PALMD: variants seen among roughly 807,000 people sequenced by gnomAD.
PALMD encodes paralemmin-like protein.
Under a neutral mutation model 56.2 loss-of-function variants are expected in PALMD, and 42 were observed. The ratio of observed to expected loss-of-function variants is 0.75; its 90% confidence interval spans 0.58 to 0.97. The LOEUF (loss-of-function observed/expected upper bound fraction) is 0.97, where lower values mean the gene tolerates loss of function less well. Ranked by LOEUF, PALMD falls within the 50% of genes least tolerant of loss-of-function variation. The pLI, the probability that PALMD is intolerant of heterozygous loss-of-function variation, is 0.00. For missense variants in PALMD, 660 were observed against 643.8 expected, an observed-to-expected ratio of 1.03 and a Z score of -0.27; for synonymous variants, 242 against 222.9, an observed-to-expected ratio of 1.09 and a Z score of -0.76.
In PALMD at chr1:99,688,765, T is replaced by C; in HGVS notation, c.515-10T>C. The C allele has an allele frequency of 6.5e-7, 1 of 1,546,386 alleles. No individual in the cohort carries two copies. The highest frequency in any genetic ancestry group is 8.7e-7 in the Non-Finnish European group (1 of 1,146,436). ...TAACTAAATCAAAGATCAAATTTGT[T>C]TCTTAACAGCTTTATATGCCATGGA... On this transcript the variant is annotated splice_polypyrimidine_tract_variant and intron_variant, in intron 6 of 7. Coordinates refer to ENST00000263174, the MANE Select transcript of PALMD (RefSeq NM_017734.5).
At chr1:99,691,970 A>AT (rs538271821) in intron 7 of PALMD, among the ~76,000 whole-genome samples, 53 of 152,262 alleles carry the variant, frequency 3.5e-4, no homozygotes, top group African/African-American at 1.3e-3. Context: ...AAAAGACAAG[A>AT]TTTTTTTAGT....
At chr1:99,658,889 T>C (rs1652786179) in intron 1 of PALMD, among the ~76,000 whole-genome samples, 1 of 151,854 alleles carries the variant, frequency 6.6e-6, no homozygotes, top group South Asian at 2.1e-4. Flanking sequence ...GAAACTTCAG[T>C]GAGCTATGAT....
rs56957907 is a variant in PALMD at position 99,681,105 on chromosome 1, ATGTGTGTGTGTG to A, written c.252-5551_252-5540del. On this transcript the variant is annotated intron_variant, in intron 3 of 7. Transcript: ENST00000263174. ...TATATACATATATGTGTGTGTATAT[ATGTGTGTGTGTG>A]TGTGTGTGTGTGTGTGTGTATGTAT... 4.7e-3 allele frequency among the ~76,000 whole-genome samples: 694 copies of A among 148,848 alleles called. 9 individuals are homozygous for A. The highest frequency in any genetic ancestry group is 0.016 in the African/African-American group (653 of 40,608).
intron 7 of PALMD, 32 bp from the exon 8 acceptor site, chr1:99,693,987 T>C: frequency 1.3e-6 from 2 of 1,526,218 alleles, no homozygotes; most frequent in Admixed American, 1.8e-5. Flanking sequence ...GGATTTTTTT[T>C]ATAACTCTCT....
At chr1:99,672,741 C>T (rs1198425431) in intron 3 of PALMD, among the ~76,000 whole-genome samples, 1 of 152,162 alleles carries the variant, frequency 6.6e-6, no homozygotes, top group Non-Finnish European at 1.5e-5. Flanking sequence ...GAGCGCCTGA[C>T]AGAAATGTCA....
chr1:99,673,505 T>C (rs1260995591), intron 3 of PALMD, among the ~76,000 whole-genome samples: 1 of 151,972 alleles, frequency 6.6e-6, no homozygotes, highest in Non-Finnish European at 1.5e-5. Flanking sequence ...GAAAAAAAAC[T>C]CTACCATTTG....
At chr1:99,647,919 G>A (rs1407367888) in intron 1 of PALMD, among the ~76,000 whole-genome samples, 5 of 152,190 alleles carry the variant, frequency 3.3e-5, no homozygotes, top group African/African-American at 7.2e-5. Flanking sequence ...CCAAAGATAT[G>A]GCTGTATACA....
chr1:99,689,055 C>G lies in PALMD; in HGVS notation c.795C>G (p.Pro265=). ...TEYHEPVYAN[P]FYRPTTPQRE... ...ATCATGAGCCTGTATATGCCAATCCCTTTTACAGGCCTACAACCCCACAGA... is the reference window on the plus strand; with the variant it reads ...ATCATGAGCCTGTATATGCCAATCCGTTTTACAGGCCTACAACCCCACAGA... The change falls in exon 7 of 8, where the codon CCC becomes CCG. Residue 265 remains proline (P), a synonymous_variant. Coordinates refer to ENST00000263174, the MANE Select transcript of PALMD (RefSeq NM_017734.5). 1 of 1,613,670 alleles carries G rather than the reference C, an allele frequency of 6.2e-7. No individual in the cohort carries two copies. Among genetic ancestry groups the G allele is most frequent in the African/African-American group, 1.3e-5 (1 of 74,952 alleles).
At chr1:99,654,758 T>A (rs1414580611) in intron 1 of PALMD, among the ~76,000 whole-genome samples, 1 of 152,150 alleles carries the variant, frequency 6.6e-6, no homozygotes, top group Non-Finnish European at 1.5e-5. Context: ...AGTAACTTTT[T>A]AAATTTCATC....
chr1:99,651,475 A>T (rs1244978388), intron 1 of PALMD, among the ~76,000 whole-genome samples: 1 of 152,260 alleles, frequency 6.6e-6, no homozygotes, highest in Non-Finnish European at 1.5e-5. Context: ...GATTAAAACA[A>T]ATTAGAGAAT....
Position 99,651,387 on chromosome 1 carries a change from C to A in PALMD, c.45+5025C>A, listed in dbSNP as rs112439954. Among the ~76,000 whole-genome samples, 1,218 of 152,298 alleles carry A rather than the reference C, an allele frequency of 8.0e-3. 19 individuals carry two copies. Among genetic ancestry groups the A allele is most frequent in the Non-Finnish European group, 8.5e-3 (577 of 68,026 alleles). ...TGATAATGCTACTTTGCTAACTCCT[C>A]TACTGACAAAGATCCCCATGAACTT... On this transcript the variant is annotated intron_variant, in intron 1 of 7. Coordinates refer to ENST00000263174, the MANE Select transcript of PALMD (RefSeq NM_017734.5).
intron 3 of PALMD, chr1:99,668,709 A>G (rs1013483582): frequency 1.3e-5 from 2 of 152,242 alleles, no homozygotes; most frequent in Non-Finnish European, 2.9e-5. Context: ...TTGTGAGATC[A>G]GTACAGTCAG....
chr1:99,688,135 T>A (rs1261625992), intron 6 of PALMD, among the ~76,000 whole-genome samples: 2 of 152,096 alleles, frequency 1.3e-5, no homozygotes, highest in Non-Finnish European at 2.9e-5. Context: ...GCCCTTCCTC[T>A]ACTTGAAAAT....
chr1:99,687,794 T>C (rs959557510), intron 6 of PALMD, among the ~76,000 whole-genome samples: 1 of 152,142 alleles, frequency 6.6e-6, no homozygotes, highest in African/African-American at 2.4e-5. Flanking sequence ...ACTAAATATA[T>C]CATGGTAGGG....
intron 3 of PALMD, among the ~76,000 whole-genome samples, chr1:99,682,920 C>T (rs1211569547): frequency 1.3e-5 from 2 of 151,348 alleles, no homozygotes; most frequent in South Asian, 2.1e-4. Context: ...TCAGGAGAAT[C>T]GCTCGAACCT....
At chr1:99,648,681 C>T (rs915230947) in intron 1 of PALMD, among the ~76,000 whole-genome samples, 2 of 151,902 alleles carry the variant, frequency 1.3e-5, no homozygotes, top group African/African-American at 4.8e-5. Flanking sequence ...AACTTTTACA[C>T]TCTAGGATCT....
At chr1:99,646,914 C>T (rs1652455868) in intron 1 of PALMD, among the ~76,000 whole-genome samples, 1 of 152,024 alleles carries the variant, frequency 6.6e-6, no homozygotes, top group African/African-American at 2.4e-5. Context: ...TAGGTAAAAG[C>T]ACGTATCAGA....
chr1:99,689,731 C>T lies in PALMD; in HGVS notation c.1471C>T (p.His491Tyr). The change falls in exon 7 of 8, where the codon CAT becomes TAT. Residue 491 changes from histidine (H) to tyrosine (Y), a missense_variant. Coordinates refer to ENST00000263174, the MANE Select transcript of PALMD (RefSeq NM_017734.5). Reference protein sequence around the residue: ...LPRKRSEASPHENTNHKSPHK... With the variant: ...LPRKRSEASPYENTNHKSPHK... Reference sequence around the variant, plus strand: ...TAGAAAAAGATCAGAAGCTAGTCCTCATGAAAACACAAATCATAAATCCCC... The same window carrying T: ...TAGAAAAAGATCAGAAGCTAGTCCTTATGAAAACACAAATCATAAATCCCC... The T allele has an allele frequency of 6.2e-7, 1 of 1,613,840 alleles. No homozygotes were observed.
chr1:99,652,683 AGG>A (rs772138901), intron 1 of PALMD, among the ~76,000 whole-genome samples: 4,369 of 98,894 alleles, frequency 0.044, 124 homozygotes, highest in East Asian at 0.13. Context: ...AGGAAAGGAA[AGG>A]AAAGGAAAGG....
Sources: gnomAD v4.1 joint callset for allele counts (sites outside exome capture counted in the v4.1 genomes callset) on GRCh38, gnomAD v4.1.1 for gene constraint, MANE v1.5 for transcripts, NCBI Gene and HGNC (gene_info 2026-07-23, HGNC 2026-07-21) for gene names.